KCNK10: variants seen among roughly 807,000 people sequenced by gnomAD.
The protein encoded by KCNK10 is potassium two pore domain channel subfamily K member 10, also known as potassium channel subfamily K member 10.
A neutral mutation model predicts 47.7 loss-of-function variants in KCNK10; 25 were observed. The ratio of observed to expected loss-of-function variants is 0.52; its 90% CI spans 0.38 to 0.73. KCNK10 has a LOEUF of 0.73. KCNK10 is among the 30% of genes least tolerant of loss of function. KCNK10 has a pLI of 0.00. For synonymous variants in KCNK10, 303 were observed against 285.6 expected, an observed-to-expected ratio of 1.06 and a Z score of -0.61; for missense variants, 563 against 714.5, an observed-to-expected ratio of 0.79 and a Z score of 2.42.
At chr14:88,275,496 T>C (rs1237356120) in intron 1 of KCNK10, among the ~76,000 whole-genome samples, 2 of 151,908 alleles carry the variant, frequency 1.3e-5, no homozygotes, top group African/African-American at 2.4e-5. Context: ...GAGAATTTGT[T>C]TGTGAGTTAT....
At chr14:88,294,409 A>G (rs1022631197) in intron 1 of KCNK10, among the ~76,000 whole-genome samples, 1 of 152,280 alleles carries the variant, frequency 6.6e-6, no homozygotes, top group Non-Finnish European at 1.5e-5. Context: ...TGCAAAGAAG[A>G]CGAATCAAGA....
chr14:88,185,767 T>C lies in KCNK10; in HGVS notation c.1400A>G (p.Lys467Arg), dbSNP rs1259316722. The change falls in exon 7 of 7, where the codon AAA becomes AGA. Residue 467 changes from lysine to arginine, a missense_variant. By Grantham distance (26) the Lys-to-Arg change is conservative. Coordinates refer to ENST00000319231, the MANE Select transcript of KCNK10 (RefSeq NM_138317.3). This position sits in a 1 kb window ranked among gnomAD's most constrained non-coding sequence, Gnocchi z 4.3. The stretch of plus-strand genomic sequence containing the variant: ...CTGAACGTCCTCGGGCAAGGTCTTT[T>C]TGAGGTCCTTGTTTTTCCTCTTGGT... ...RLTKRKNKDL[K>R]KTLPEDVQKI... The C allele has an allele frequency of 1.2e-6, 2 of 1,614,182 alleles. No homozygotes were observed. The highest frequency in any genetic ancestry group is 1.1e-5 in the South Asian group (1 of 91,072).
chr14:88,207,264 C>T (rs748826673), intron 4 of KCNK10, among the ~76,000 whole-genome samples: 61 of 151,694 alleles, frequency 4.0e-4, no homozygotes, highest in Non-Finnish European at 7.9e-4. Context: ...GCTCCGCCTC[C>T]CAGGTTCACG....
intron 4 of KCNK10, among the ~76,000 whole-genome samples, chr14:88,222,093 G>C (rs754242262): frequency 2.0e-5 from 3 of 152,168 alleles, no homozygotes; most frequent in Non-Finnish European, 4.4e-5. Context: ...TCAGAGTCAT[G>C]GTGGGAGGTG....
chr14:88,279,855 C>T (rs1434639854), intron 1 of KCNK10, among the ~76,000 whole-genome samples: 1 of 152,106 alleles, frequency 6.6e-6, no homozygotes, highest in Non-Finnish European at 1.5e-5. Context: ...GCCAGTCTTT[C>T]CCATGATATT....
At chr14:88,226,790 C>T (rs1886000345) in intron 4 of KCNK10, among the ~76,000 whole-genome samples, 1 of 152,116 alleles carries the variant, frequency 6.6e-6, no homozygotes, top group Admixed American at 6.5e-5. Flanking sequence ...AAGGAAAAAA[C>T]CCACTAAGGC....
At chr14:88,326,178 C>T (rs913412480), upstream of KCNK10, among the ~76,000 whole-genome samples, 34 of 103,628 alleles carry the variant, frequency 3.3e-4, no homozygotes, top group Middle Eastern at 5.3e-3. Flanking sequence ...AAGCAAGTTA[C>T]CCGCCCCCCC....
intron 1 of KCNK10, among the ~76,000 whole-genome samples, chr14:88,293,658 C>G (rs1467111706): frequency 6.6e-6 from 1 of 151,824 alleles, no homozygotes; most frequent in Admixed American, 6.6e-5. Context: ...TTCCTTTCTT[C>G]TTAGCCTCCT....
chr14:88,262,687 T>C (rs1304435970), intron 2 of KCNK10, among the ~76,000 whole-genome samples: 3 of 152,224 alleles, frequency 2.0e-5, no homozygotes, highest in East Asian at 1.9e-4. Context: ...TTACTACTAC[T>C]GTGATCCATA....
At position 88,301,785 on chromosome 14, in the gene KCNK10, AGCCAGCACTCAGGGTGCTGCAG is replaced by A. The variant is rs565644535; in HGVS notation, c.52+20940_52+20961del. ...CCAGCCTTGGAAAGGAGGTCAGCAC[AGCCAGCACTCAGGGTGCTGCAG>A]GCCAGCACCAGAAAGCAGATTTTAT... is the stretch of plus-strand genomic sequence containing the variant. On this transcript the variant is annotated intron_variant, in intron 1 of 6. Transcript: ENST00000319231. 3.4e-3 allele frequency among the ~76,000 whole-genome samples: 522 copies of A among 152,352 alleles called. 1 individual carries two copies. Among genetic ancestry groups the A allele is most frequent in the Non-Finnish European group, 5.6e-3 (384 of 68,020 alleles).
intron 1 of KCNK10, among the ~76,000 whole-genome samples, chr14:88,300,561 T>C (rs1263171025): frequency 6.6e-6 from 1 of 152,214 alleles, no homozygotes; most frequent in Non-Finnish European, 1.5e-5. Context: ...GGTTCTCTCC[T>C]AGCTTGTCAA....
intron 1 of KCNK10, among the ~76,000 whole-genome samples, chr14:88,270,155 T>C (rs909159902): frequency 4.1e-5 from 6 of 147,670 alleles, no homozygotes; most frequent in Non-Finnish European, 9.0e-5. Context: ...CGGGGCCACC[T>C]GCACTGATGG....
upstream of KCNK10, among the ~76,000 whole-genome samples, chr14:88,325,620 C>A (rs1379414658): frequency 6.6e-6 from 1 of 152,120 alleles, no homozygotes; most frequent in Non-Finnish European, 1.5e-5. Context: ...TGAATCTGAC[C>A]CTGAACCTGT....
upstream of KCNK10, among the ~76,000 whole-genome samples, chr14:88,324,139 C>T (rs184883195): frequency 2.0e-5 from 3 of 152,350 alleles, no homozygotes; most frequent in Admixed American, 2.0e-4. Flanking sequence ...CTCCCGGAAG[C>T]GGCGGCCCCG....
chr14:88,216,874 C>T (rs930180889), intron 4 of KCNK10, among the ~76,000 whole-genome samples: 1 of 152,130 alleles, frequency 6.6e-6, no homozygotes, highest in Non-Finnish European at 1.5e-5. Context: ...AATAAACTCA[C>T]GGCAGGGCGT....
chr14:88,202,308 C>T (rs1166638107), intron 4 of KCNK10, among the ~76,000 whole-genome samples: 3 of 152,210 alleles, frequency 2.0e-5, no homozygotes, highest in Non-Finnish European at 4.4e-5. Flanking sequence ...GGCATGTCCA[C>T]GTCAGAGGAT....
intron 4 of KCNK10, among the ~76,000 whole-genome samples, chr14:88,199,090 T>C (rs1359160283): frequency 2.0e-5 from 3 of 151,810 alleles, no homozygotes; most frequent in South Asian, 2.1e-4. Flanking sequence ...CAGCTAATGA[T>C]TGTATTTTTA....
Position 88,192,359 on chromosome 14 carries a change from T to C in KCNK10, c.733A>G (p.Ile245Val), listed in dbSNP as rs752343486. 1.2e-6 allele frequency: 2 copies of C among 1,614,108 alleles called. No homozygotes were observed. Among genetic ancestry groups the C allele is most frequent in the East Asian group, 2.2e-5 (1 of 44,866 alleles). Residue 245 changes from isoleucine (I) to valine (V), a missense_variant, in exon 5 of 7, where the codon ATC becomes GTC. By Grantham distance (29) the Ile-to-Val change is conservative. Coordinates refer to ENST00000319231, the MANE Select transcript of KCNK10 (RefSeq NM_138317.3). ...ACAAACACAATGCAGCCGGCCAAGATGAACAGGATGGTTGAGATGACCCGG... is the reference window on the plus strand; with the variant it reads ...ACAAACACAATGCAGCCGGCCAAGACGAACAGGATGGTTGAGATGACCCGG... ...KIRVISTILF[I>V]LAGCIVFVTI...
At chr14:88,240,881 CAAA>C in intron 2 of KCNK10, 61 bp from the exon 3 acceptor site, 30 of 784,482 alleles carry the variant, frequency 3.8e-5, no homozygotes, top group Admixed American at 7.7e-5. Context: ...TTTTTTTCTT[CAAA>C]AAAAAAAAAG....
Sources: gnomAD v4.1 joint callset for allele counts (sites outside exome capture counted in the v4.1 genomes callset) on GRCh38, gnomAD v4.1.1 for gene constraint, Gnocchi (gnomAD v3.1) non-coding constraint, MANE v1.5 for transcripts, NCBI Gene and HGNC (gene_info 2026-07-23, HGNC 2026-07-21) for gene names.